DNAI3: variants seen among roughly 807,000 people sequenced by gnomAD.
DNAI3 encodes the protein WD repeat domain 63.
A neutral mutation model predicts 115.5 loss-of-function variants in DNAI3; 83 were observed. That is an observed-to-expected ratio of 0.72 (90% CI 0.60 to 0.86). The LOEUF is 0.86. Among genes scored for constraint, DNAI3 ranks in the 40% least tolerant of loss-of-function variants. The pLI is 0.00. For missense variants in DNAI3, 1,004 were observed against 1,075.8 expected (o/e 0.93, Z 0.93); for synonymous variants, 320 against 347.0 (o/e 0.92, Z 0.86).
At chr1:85,073,450 A>G (rs1353018522) in intron 3 of DNAI3, among the ~76,000 whole-genome samples, 1 of 152,220 alleles carries the variant, frequency 6.6e-6, no homozygotes, top group Non-Finnish European at 1.5e-5. Flanking sequence ...TCACGCTAAG[A>G]TGCCACTATT....
intron 19 of DNAI3, among the ~76,000 whole-genome samples, chr1:85,125,543 T>TC (rs1251349364): frequency 6.6e-6 from 1 of 151,816 alleles, no homozygotes; most frequent in Non-Finnish European, 1.5e-5. Context: ...TGATTTTTTT[T>TC]TTTTTTACAA....
chr1:85,102,307 A>T (rs1338317231), intron 13 of DNAI3, among the ~76,000 whole-genome samples: 1 of 152,168 alleles, frequency 6.6e-6, no homozygotes, highest in Non-Finnish European at 1.5e-5. Context: ...ATGTATCAGT[A>T]TATCACATAT....
chr1:85,077,797 A>G lies in DNAI3; in HGVS notation c.104-3437A>G, dbSNP rs542127718. Among the ~76,000 whole-genome samples the G allele has an allele frequency of 1.5e-4, 23 of 152,242 alleles. No individual in the cohort carries two copies. In the South Asian group the frequency reaches 4.6e-3, roughly 30 times the overall value. ...TGTGCATATATTTATCAACTTGTAC[A>G]TATTGTATGCAGTTTATCGTTTGTC... is the stretch of plus-strand genomic sequence containing the variant. On this transcript the variant is annotated intron_variant, in intron 3 of 22. Coordinates refer to ENST00000294664, the MANE Select transcript of DNAI3 (RefSeq NM_145172.5).
intron 14 of DNAI3, 85 bp downstream of exon 14, chr1:85,104,682 C>G: frequency 1.9e-6 from 2 of 1,046,020 alleles, no homozygotes; most frequent in African/African-American, 1.6e-5. Context: ...GTCTTCTTCT[C>G]CTTAATATTT....
chr1:85,120,349 C>T lies in DNAI3; in HGVS notation c.1918-1402C>T, dbSNP rs376554414. Among the ~76,000 whole-genome samples the T allele has an allele frequency of 2.3e-3, 346 of 152,260 alleles. 2 individuals carry two copies. The highest frequency in any genetic ancestry group is 0.014 in the Middle Eastern group (4 of 294). On this transcript the variant is annotated intron_variant, in intron 17 of 22. Transcript: ENST00000294664. ...CAGGCAGGCGGTGATTTCAGGTGGG[C>T]CAGCCCAGAAATGAAAAGGGCCTGA... is the stretch of plus-strand genomic sequence containing the variant.
chr1:85,071,697 C>T (rs895947005), intron 1 of DNAI3, among the ~76,000 whole-genome samples: 4 of 152,088 alleles, frequency 2.6e-5, no homozygotes, highest in African/African-American at 7.2e-5. Flanking sequence ...CACCACGGTG[C>T]GCTTCAGCTA....
intron 1 of DNAI3, among the ~76,000 whole-genome samples, chr1:85,063,415 G>C (rs1429857826): frequency 1.3e-5 from 2 of 152,166 alleles, no homozygotes; most frequent in Non-Finnish European, 2.9e-5. Context: ...GAAACCGTGT[G>C]AGGCTGGAAT....
chr1:85,096,568 CTTT>C (rs1395031482), intron 11 of DNAI3, among the ~76,000 whole-genome samples: 1 of 149,970 alleles, frequency 6.7e-6, no homozygotes, highest in African/African-American at 2.4e-5. Context: ...CTTTTATCTT[CTTT>C]TTAAGTTATC....
intron 13 of DNAI3, among the ~76,000 whole-genome samples, chr1:85,101,727 C>CAAAAAA (rs72166976): frequency 2.8e-4 from 4 of 14,440 alleles, no homozygotes; most frequent in African/African-American, 6.3e-4. Context: ...GACTCCATCT[C>CAAAAAA]AAAAAAAAAA....
chr1:85,095,192 T>C (rs759258557), intron 10 of DNAI3, among the ~76,000 whole-genome samples: 1 of 152,204 alleles, frequency 6.6e-6, no homozygotes, highest in Admixed American at 6.5e-5. Flanking sequence ...CTAGTTTTCA[T>C]GGTCTGCTCA....
intron 7 of DNAI3, among the ~76,000 whole-genome samples, chr1:85,087,479 G>T (rs1157673739): frequency 6.9e-6 from 1 of 145,974 alleles, no homozygotes; most frequent in Non-Finnish European, 1.5e-5. Flanking sequence ...AAAAAAAAAG[G>T]CAACAACTCC....
At position 85,079,278 on chromosome 1, in the gene DNAI3, A is replaced by G. The variant is rs139624044; in HGVS notation, c.104-1956A>G. 7.7e-4 allele frequency among the ~76,000 whole-genome samples: 118 copies of G among 152,348 alleles called. No homozygotes were observed. In the Middle Eastern group the frequency reaches 0.014, roughly 18 times the overall value. The stretch of plus-strand genomic sequence containing the variant: ...AGTCTTTTGAGGGAGATAAAAGTGT[A>G]TAATTTGTCCTTCACTCATGAACAA... On this transcript the variant is annotated intron_variant, in intron 3 of 22. Transcript: ENST00000294664.
At chr1:85,110,878 G>T (rs959721010) in intron 16 of DNAI3, among the ~76,000 whole-genome samples, 1 of 152,008 alleles carries the variant, frequency 6.6e-6, no homozygotes, top group African/African-American at 2.4e-5. Context: ...TATTTATATG[G>T]CACCAAGATA....
rs1409802552 is a variant in DNAI3, at chr1:85,084,601, T to C, written c.446T>C (p.Val149Ala). 1.3e-6 allele frequency: 2 copies of C among 1,567,170 alleles called. No individual in the cohort carries two copies. Among genetic ancestry groups the C allele is most frequent in the East Asian group, 2.4e-5 (1 of 42,024 alleles). Residue 149 changes from valine (V) to alanine (A), a missense_variant, in exon 6 of 23, where the codon GTG (valine) becomes GCG (alanine). Transcript: ENST00000294664. ...TATAAAGAACATATTCCTGAAGATG[T>C]GTATATTTATAAACCACCTGTCTCT... ...EEYKEHIPED[V>A]YIYKPPVSKP...
intron 19 of DNAI3, among the ~76,000 whole-genome samples, chr1:85,124,591 C>T (rs556307831): frequency 1.3e-5 from 2 of 152,068 alleles, no homozygotes; most frequent in African/African-American, 2.4e-5. Context: ...AATGCAGTGG[C>T]GTGATCTCTG....
chr1:85,097,761 GA>G (rs111398421), intron 12 of DNAI3, 106 bp downstream of exon 12: 17,426 of 727,682 alleles, frequency 0.024, 2 homozygotes, highest in South Asian at 0.04. Context: ...GAGAAAAAAG[GA>G]AAAAAAAAAA....
At chr1:85,113,548 G>A (rs1405602419) in intron 16 of DNAI3, among the ~76,000 whole-genome samples, 1 of 151,942 alleles carries the variant, frequency 6.6e-6, no homozygotes, top group Non-Finnish European at 1.5e-5. Context: ...ACTCTATTCT[G>A]TTCCATTGAC....
In DNAI3 at chr1:85,110,144, C is replaced by G; in HGVS notation, c.1786+9C>G. 2 of 1,603,578 alleles carry G rather than the reference C, an allele frequency of 1.2e-6. No individual in the cohort carries two copies. The highest frequency in any genetic ancestry group is 1.7e-6 in the Non-Finnish European group (2 of 1,174,162). ...TCTTTGCAAAACACAAGGTAACTGC[C>G]TTTGCTTATTTAAAAAAAAAAAAAA... On this transcript the variant is annotated intron_variant, in intron 16 of 22. Transcript: ENST00000294664.
intron 7 of DNAI3, among the ~76,000 whole-genome samples, chr1:85,089,824 G>A (rs1424242545): frequency 6.6e-6 from 1 of 152,068 alleles, no homozygotes; most frequent in Non-Finnish European, 1.5e-5. Context: ...TGAAGGGTGT[G>A]TGGGAATTCC....
Sources: allele counts gnomAD v4.1 joint callset (sites outside exome capture counted in the v4.1 genomes callset), GRCh38; gene constraint gnomAD v4.1.1; transcripts MANE v1.5; gene names NCBI Gene and HGNC (gene_info 2026-07-23, HGNC 2026-07-21).